EXOC6B: variants seen among roughly 807,000 people sequenced by gnomAD.
EXOC6B encodes SEC15 homolog B.
EXOC6B carries 54 observed loss-of-function variants against 113.5 expected under a neutral mutation model. The ratio of observed to expected loss-of-function variants is 0.48; its 90% CI spans 0.38 to 0.60. The LOEUF is 0.60. Ranked by LOEUF, EXOC6B falls within the 20% of genes least tolerant of loss-of-function variation. The pLI is 0.00. For synonymous variants in EXOC6B, 357 were observed against 339.0 expected (o/e 1.05, Z -0.58); for missense variants, 797 against 977.5 (o/e 0.82, Z 2.46).
chr2:72,483,756 G>C (rs894773754), intron 16 of EXOC6B, among the ~76,000 whole-genome samples: 1 of 152,162 alleles, frequency 6.6e-6, no homozygotes, highest in Non-Finnish European at 1.5e-5. Flanking sequence ...TAAAACCAGA[G>C]GCTTTGGGCA....
chr2:72,566,372 T>C (rs13409476), intron 7 of EXOC6B, among the ~76,000 whole-genome samples: 2,184 of 152,296 alleles, frequency 0.014, 47 homozygotes, highest in African/African-American at 0.05. Context: ...TATTCCTTTT[T>C]ATTTCAGAGT....
At chr2:72,438,198 A>G (rs1247445361) in intron 18 of EXOC6B, among the ~76,000 whole-genome samples, 2 of 152,198 alleles carry the variant, frequency 1.3e-5, no homozygotes, top group East Asian at 3.8e-4. Flanking sequence ...GTATTACACC[A>G]ATTTACCTAG....
rs577063780 is a variant in EXOC6B, at chr2:72,444,660, A to G, written c.1980+20500T>C. 1.0e-3 allele frequency among the ~76,000 whole-genome samples: 152 copies of G among 152,366 alleles called. 1 individual carries two copies. Among genetic ancestry groups the G allele is most frequent in the African/African-American group, 3.5e-3 (146 of 41,588 alleles). On this transcript the variant is annotated intron_variant, in intron 18 of 21. Transcript: ENST00000272427. ...TGCAACTGCAGCCTAAACACCACAT[A>G]GAAACTGTCAAGACATGGGGCTTGC...
rs1030494052 is a variant in EXOC6B at position 72,559,517 on chromosome 2, G to C, written c.851C>G (p.Pro284Arg). The C allele has an allele frequency of 1.2e-6, 2 of 1,611,938 alleles. No individual in the cohort carries two copies. The highest frequency in any genetic ancestry group is 2.7e-5 in the African/African-American group (2 of 74,800). ...VEDEEDDEEV[P>R]GAQDLVDFSP... ...GAAATCCACCAAATCTTGGGCCCCA[G>C]GTACCTGCAAACACAAGATTATAAC... Residue 284 changes from proline to arginine, a missense_variant, in exon 8 of 22, where the codon CCT becomes CGT. By Grantham distance (103) the Pro-to-Arg change is moderately radical. Coordinates refer to ENST00000272427, the MANE Select transcript of EXOC6B (RefSeq NM_015189.3).
intron 7 of EXOC6B, among the ~76,000 whole-genome samples, chr2:72,569,486 A>G (rs1704395198): frequency 6.6e-6 from 1 of 152,126 alleles, no homozygotes; most frequent in African/African-American, 2.4e-5. Flanking sequence ...CCAGTCTATT[A>G]CTACCATGCT....
At chr2:72,677,446 A>G (rs1676396153) in intron 6 of EXOC6B, among the ~76,000 whole-genome samples, 1 of 152,126 alleles carries the variant, frequency 6.6e-6, no homozygotes, top group Non-Finnish European at 1.5e-5. Flanking sequence ...TCTGCTCAAA[A>G]CAGTCAAGAC....
At chr2:72,511,748 C>T (rs1487744521) in intron 11 of EXOC6B, among the ~76,000 whole-genome samples, 3 of 152,094 alleles carry the variant, frequency 2.0e-5, no homozygotes, top group Non-Finnish European at 4.4e-5. Context: ...TCTTTTCTTA[C>T]TTCACCCTAT....
chr2:72,354,711 T>C (rs1438326063), intron 19 of EXOC6B, among the ~76,000 whole-genome samples: 1 of 152,156 alleles, frequency 6.6e-6, no homozygotes, highest in Non-Finnish European at 1.5e-5. Flanking sequence ...CCATCATCTG[T>C]AGTCAAAAAG....
At chr2:72,333,887 T>G (rs2104875715) in intron 20 of EXOC6B, among the ~76,000 whole-genome samples, 1 of 152,186 alleles carries the variant, frequency 6.6e-6, no homozygotes, top group Non-Finnish European at 1.5e-5. Context: ...CATTATGGGT[T>G]AAAAGCTGTT....
chr2:72,433,347 T>A (rs1217708454), intron 18 of EXOC6B, among the ~76,000 whole-genome samples: 1 of 152,212 alleles, frequency 6.6e-6, no homozygotes, highest in Non-Finnish European at 1.5e-5. Context: ...GTGTGATGCC[T>A]CCAGCTTTGT....
At chr2:72,254,159 CA>C (rs1330446873) in intron 20 of EXOC6B, among the ~76,000 whole-genome samples, 50 of 143,012 alleles carry the variant, frequency 3.5e-4, no homozygotes, top group Non-Finnish European at 2.0e-4. Context: ...GACTCTGTCT[CA>C]AAAAAAAAAA....
At chr2:72,765,152 C>T (rs1044993574) in intron 1 of EXOC6B, among the ~76,000 whole-genome samples, 5 of 151,920 alleles carry the variant, frequency 3.3e-5, no homozygotes, top group African/African-American at 9.7e-5. Flanking sequence ...AAAAATTAGC[C>T]GGGCATGGTG....
chr2:72,524,892 C>G (rs980616354), intron 8 of EXOC6B, among the ~76,000 whole-genome samples: 1 of 152,164 alleles, frequency 6.6e-6, no homozygotes, highest in Non-Finnish European at 1.5e-5. Flanking sequence ...CTTCCAAAGG[C>G]CCCAATTCTT....
chr2:72,508,219 T>G (rs939268417), intron 11 of EXOC6B, among the ~76,000 whole-genome samples: 1 of 143,236 alleles, frequency 7.0e-6, no homozygotes, highest in African/African-American at 2.8e-5. Context: ...GGAAGTATTA[T>G]TAAATATTTT....
intron 6 of EXOC6B, among the ~76,000 whole-genome samples, chr2:72,641,008 C>G (rs1422403318): frequency 1.3e-5 from 2 of 152,162 alleles, no homozygotes; most frequent in Non-Finnish European, 2.9e-5. Context: ...CTTAGATTCC[C>G]ACACAATAAT....
chr2:72,749,918 C>T (rs1681931373), intron 1 of EXOC6B, among the ~76,000 whole-genome samples: 1 of 151,658 alleles, frequency 6.6e-6, no homozygotes, highest in Non-Finnish European at 1.5e-5. Flanking sequence ...CTGAATCAAA[C>T]CCTAATAAAT....
At chr2:72,564,017 A>G (rs911470942) in intron 7 of EXOC6B, among the ~76,000 whole-genome samples, 1 of 152,170 alleles carries the variant, frequency 6.6e-6, no homozygotes, top group African/African-American at 2.4e-5. Context: ...GGAAGGCAGG[A>G]AAGAAAAATT....
At chr2:72,646,541 G>C (rs547452765) in intron 6 of EXOC6B, among the ~76,000 whole-genome samples, 1 of 152,060 alleles carries the variant, frequency 6.6e-6, no homozygotes, top group Admixed American at 6.6e-5. Flanking sequence ...ACATCGATGC[G>C]AAAATCCTCA....
rs1390704416 is a variant in EXOC6B at position 72,774,294 on chromosome 2, C to A, written c.114-32825G>T. ...CTGCATATGTAGTCCAAATAATAAGCTGGTGATTCTGTAGAACACAATAAT... is the reference window on the plus strand; with the variant it reads ...CTGCATATGTAGTCCAAATAATAAGATGGTGATTCTGTAGAACACAATAAT... On this transcript the variant is annotated intron_variant, in intron 1 of 21. Transcript: ENST00000272427. Among the ~76,000 whole-genome samples the A allele has an allele frequency of 3.3e-5, 5 of 152,106 alleles. No homozygotes were observed. The East Asian group carries it at 9.6e-4, about 29-fold the overall frequency.
Sources: allele counts gnomAD v4.1 joint callset (sites outside exome capture counted in the v4.1 genomes callset), GRCh38; gene constraint gnomAD v4.1.1; transcripts MANE v1.5; gene names NCBI Gene and HGNC (gene_info 2026-07-23, HGNC 2026-07-21).